CCDC141: variants seen among roughly 807,000 people sequenced by gnomAD.
CCDC141 encodes the protein coiled-coil domain-containing protein 141.
A neutral mutation model predicts 181.0 loss-of-function variants in CCDC141; 168 were observed. That is an observed-to-expected ratio of 0.93 (90% confidence interval 0.82 to 1.05). The LOEUF is 1.05. Ranked by LOEUF, CCDC141 falls within the 50% of genes least tolerant of loss-of-function variation. CCDC141 has a pLI of 0.00. For synonymous variants in CCDC141, 666 were observed against 642.3 expected, an observed-to-expected ratio of 1.04 and a Z score of -0.56; for missense variants, 1,902 against 1,788.5, an observed-to-expected ratio of 1.06 and a Z score of -1.14.
At chr2:179,024,946 G>A (rs552681652) in intron 2 of CCDC141, among the ~76,000 whole-genome samples, 90 of 152,002 alleles carry the variant, frequency 5.9e-4, no homozygotes, top group African/African-American at 2.0e-3. Context: ...GCCTTTCTTT[G>A]CCTCTTTGGG....
chr2:179,032,798 T>G (rs1229318452), intron 2 of CCDC141, among the ~76,000 whole-genome samples: 12 of 148,486 alleles, frequency 8.1e-5, no homozygotes. Flanking sequence ...CTCAAGGACC[T>G]AAGTTTCAAA....
At chr2:178,964,811 A>G (rs977149187) in intron 4 of CCDC141, among the ~76,000 whole-genome samples, 1 of 152,208 alleles carries the variant, frequency 6.6e-6, no homozygotes, top group Non-Finnish European at 1.5e-5. Flanking sequence ...ACATCTTTAC[A>G]GTCAATTTAT....
At chr2:178,966,339 G>A (rs756756640) in intron 4 of CCDC141, among the ~76,000 whole-genome samples, 6 of 152,206 alleles carry the variant, frequency 3.9e-5, no homozygotes, top group Non-Finnish European at 5.9e-5. Flanking sequence ...CCTCCCAGTA[G>A]GGGGTGACAG....
At position 178,834,382 on chromosome 2, in the gene CCDC141, T is replaced by C. The variant is rs934941192; in HGVS notation, c.4384A>G (p.Thr1462Ala). Residue 1462 changes from threonine (T) to alanine (A), a missense_variant, in exon 24 of 24, where the codon ACA (threonine) becomes GCA (alanine). Thr to Ala is a moderately conservative substitution (Grantham distance 58). Transcript: ENST00000443758. ...DGHLQVLHKE[T>A]RHSVFIPKVC... ...TTTGGAATGAACACCGAATGCCTTG[T>C]CTCCTTGTGTAAAACCTGTAAGTGC... The C allele has an allele frequency of 6.5e-7, 1 of 1,536,432 alleles. No homozygotes were observed. The highest frequency in any genetic ancestry group is 8.7e-7 in the Non-Finnish European group (1 of 1,146,906).
At chr2:178,984,006 A>G (rs932552176) in intron 2 of CCDC141, among the ~76,000 whole-genome samples, 2 of 151,666 alleles carry the variant, frequency 1.3e-5, no homozygotes, top group African/African-American at 2.4e-5. Flanking sequence ...TCCAAAACAC[A>G]TAATTGTCAG....
intron 4 of CCDC141, among the ~76,000 whole-genome samples, chr2:178,966,932 C>G (rs1370070100): frequency 6.6e-6 from 1 of 150,864 alleles, no homozygotes. Context: ...CTGAAAAACA[C>G]AGCAGGAGAA....
intron 4 of CCDC141, among the ~76,000 whole-genome samples, chr2:178,966,784 A>G (rs565225629): frequency 6.6e-6 from 1 of 152,168 alleles, no homozygotes; most frequent in South Asian, 2.1e-4. Flanking sequence ...TTCAGAAGGT[A>G]GGTAATAACA....
chr2:179,015,812 A>G (rs1277846942), intron 2 of CCDC141, among the ~76,000 whole-genome samples: 1 of 140,696 alleles, frequency 7.1e-6, no homozygotes, highest in Non-Finnish European at 1.5e-5. Context: ...TATGTATCAT[A>G]TATATCTCAT....
intron 11 of CCDC141, among the ~76,000 whole-genome samples, chr2:178,881,876 CAG>C (rs1558951282): frequency 7.2e-6 from 1 of 138,064 alleles, no homozygotes; most frequent in African/African-American, 2.7e-5. Flanking sequence ...GCCTGGGTGA[CAG>C]AGTGAGACCC....
chr2:179,036,205 A>G (rs1402698687), intron 2 of CCDC141, among the ~76,000 whole-genome samples: 2 of 152,162 alleles, frequency 1.3e-5, no homozygotes, highest in African/African-American at 4.8e-5. Context: ...TCTGCCTACA[A>G]AATTCTCTCC....
chr2:178,972,490 G>A (rs1296740804), intron 4 of CCDC141, among the ~76,000 whole-genome samples: 2 of 152,174 alleles, frequency 1.3e-5, no homozygotes, highest in African/African-American at 4.8e-5. Context: ...AGGAAGTATA[G>A]AGGGAGTCAC....
intron 6 of CCDC141, among the ~76,000 whole-genome samples, chr2:178,936,478 A>G (rs2154376336): frequency 6.6e-6 from 1 of 152,160 alleles, no homozygotes; most frequent in East Asian, 1.9e-4. Flanking sequence ...TACTAGTTCC[A>G]TGCTGTTTTG....
intron 4 of CCDC141, among the ~76,000 whole-genome samples, chr2:178,971,807 C>T (rs1047743396): frequency 6.6e-6 from 1 of 152,120 alleles, no homozygotes; most frequent in Non-Finnish European, 1.5e-5. Context: ...CCATCATTCT[C>T]AGCAAACTAT....
intron 11 of CCDC141, among the ~76,000 whole-genome samples, chr2:178,881,373 T>C (rs1250949540): frequency 1.3e-5 from 2 of 152,172 alleles, no homozygotes; most frequent in Non-Finnish European, 2.9e-5. Context: ...GGAAAAATCA[T>C]TGCATTATGA....
chr2:178,958,066 C>G (rs1690234290), intron 5 of CCDC141, among the ~76,000 whole-genome samples: 1 of 152,166 alleles, frequency 6.6e-6, no homozygotes, highest in Non-Finnish European at 1.5e-5. Flanking sequence ...ATGATCCTAA[C>G]TATGACATTT....
Position 178,975,122 on chromosome 2 carries a change from G to A in CCDC141, c.461C>T (p.Thr154Ile). The stretch of plus-strand genomic sequence containing the variant: ...GGACTCAGCACTCTCAAACTCATGA[G>A]TATTCTGGAGGAAATCTTCAGCTTG... The part of the protein sequence containing the change: ...IDQAEDFLQN[T>I]HEFESAESLK... Residue 154 changes from threonine (T) to isoleucine (I), a missense_variant, in exon 4 of 24, where the codon ACT becomes ATT. Transcript: ENST00000443758. The A allele has an allele frequency of 6.6e-7, 1 of 1,521,240 alleles. No individual in the cohort carries two copies. The highest frequency in any genetic ancestry group is 8.9e-7 in the Non-Finnish European group (1 of 1,125,174). The allele number at this position is 1,521,240 out of a possible 1,614,324, so 94.2% of individuals were successfully genotyped here.
chr2:179,036,950 G>A (rs2043162001), intron 2 of CCDC141, among the ~76,000 whole-genome samples: 1 of 152,238 alleles, frequency 6.6e-6, no homozygotes, highest in South Asian at 2.1e-4. Flanking sequence ...GTTATTACTG[G>A]TAAAGCTGGA....
At chr2:178,822,442 G>T in the CCDC141 span, among the ~76,000 whole-genome samples, 1 of 115,338 alleles carries the variant, frequency 8.7e-6, no homozygotes, top group African/African-American at 3.3e-5. Context: ...AAAAAAAAAA[G>T]AATTTTGGTC....
At chr2:178,930,081 A>C (rs1689043144) in intron 6 of CCDC141, among the ~76,000 whole-genome samples, 1 of 152,134 alleles carries the variant, frequency 6.6e-6, no homozygotes, top group East Asian at 1.9e-4. Context: ...ATTTTTAAAA[A>C]TTAAAGCAAA....
Sources: allele counts gnomAD v4.1 joint callset (sites outside exome capture counted in the v4.1 genomes callset), GRCh38; gene constraint gnomAD v4.1.1; transcripts MANE v1.5; gene names NCBI Gene and HGNC (gene_info 2026-07-23, HGNC 2026-07-21).